CAMK1D: variants seen among roughly 807,000 people sequenced by gnomAD.
CAMK1D encodes calcium/calmodulin dependent protein kinase ID, also known as calcium/calmodulin-dependent protein kinase type 1D.
CAMK1D carries 9 observed loss-of-function variants against 47.7 expected under a neutral mutation model. The observed-to-expected ratio is 0.19, with a 90% confidence interval of 0.11 to 0.33. The LOEUF (loss-of-function observed/expected upper bound fraction) is 0.33, where lower values mean the gene tolerates loss of function less well. Ranked by LOEUF, CAMK1D falls within the 10% of genes least tolerant of loss-of-function variation. CAMK1D has a pLI of 1.00. For missense variants in CAMK1D, 291 were observed against 488.7 expected, an observed-to-expected ratio of 0.60 and a Z score of 3.81; for synonymous variants, 184 against 184.9, an observed-to-expected ratio of 0.99 and a Z score of 0.04.
intron 3 of CAMK1D, among the ~76,000 whole-genome samples, chr10:12,744,401 A>G (rs899133122): frequency 2.0e-5 from 3 of 152,224 alleles, no homozygotes; most frequent in African/African-American, 7.2e-5. Flanking sequence ...AGAAATTGTT[A>G]AACTGTTTTC....
At chr10:12,776,810 A>C (rs1404903357) in intron 5 of CAMK1D, among the ~76,000 whole-genome samples, 1 of 152,200 alleles carries the variant, frequency 6.6e-6, no homozygotes, top group Non-Finnish European at 1.5e-5. Context: ...GATCTCCAAC[A>C]AAACACAAAA....
At chr10:12,729,326 C>T (rs371977307) in intron 3 of CAMK1D, among the ~76,000 whole-genome samples, 4 of 152,112 alleles carry the variant, frequency 2.6e-5, no homozygotes, top group East Asian at 1.9e-4. Flanking sequence ...TAGAAGATGC[C>T]GAGTACCTAT....
chr10:12,740,607 AAAAAG>A (rs1171309439), intron 3 of CAMK1D, among the ~76,000 whole-genome samples: 3 of 152,178 alleles, frequency 2.0e-5, no homozygotes, highest in Admixed American at 2.0e-4. Flanking sequence ...CAAAAGAAAA[AAAAAG>A]AAAAGAAACT....
At chr10:12,404,368 A>G (rs1839338023) in intron 1 of CAMK1D, among the ~76,000 whole-genome samples, 1 of 152,218 alleles carries the variant, frequency 6.6e-6, no homozygotes, top group South Asian at 2.1e-4. Context: ...TCTAAAAGCA[A>G]GAAATTGAGG....
chr10:12,442,257 G>A (rs779779082), intron 1 of CAMK1D, among the ~76,000 whole-genome samples: 26 of 152,184 alleles, frequency 1.7e-4, no homozygotes, highest in South Asian at 6.2e-4. Flanking sequence ...CAAGGCAGGC[G>A]GATCACGAGT....
At chr10:12,500,652 C>A (rs1164541544) in intron 1 of CAMK1D, among the ~76,000 whole-genome samples, 6 of 152,212 alleles carry the variant, frequency 3.9e-5, no homozygotes, top group Non-Finnish European at 7.3e-5. Context: ...AGTTGCTGAA[C>A]CTTTCTGGGC....
rs199818329 is a variant in CAMK1D at position 12,784,478 on chromosome 10, G to A, written c.566-6680G>A. On this transcript the variant is annotated intron_variant, in intron 5 of 10. Coordinates refer to ENST00000619168, the MANE Select transcript of CAMK1D (RefSeq NM_153498.4). ...CTCCCAAAGTGCTGGGATTACAGGC[G>A]TGAGCCACCGTGCCGGCCAGAGAAA... 2.0e-5 allele frequency among the ~76,000 whole-genome samples: 3 copies of A among 152,076 alleles called. No individual in the cohort carries two copies. The East Asian group carries it at 5.8e-4, about 29-fold the overall frequency.
At chr10:12,391,533 T>A (rs1215181383) in intron 1 of CAMK1D, among the ~76,000 whole-genome samples, 2 of 152,134 alleles carry the variant, frequency 1.3e-5, no homozygotes, top group Non-Finnish European at 2.9e-5. Flanking sequence ...TTAAAAAAAA[T>A]TCCATTTTAA....
At chr10:12,737,236 T>C (rs1211872145) in intron 3 of CAMK1D, among the ~76,000 whole-genome samples, 1 of 152,104 alleles carries the variant, frequency 6.6e-6, no homozygotes, top group Non-Finnish European at 1.5e-5. Flanking sequence ...GTTCCTGTCC[T>C]GGGCTGGCCT....
intron 8 of CAMK1D, among the ~76,000 whole-genome samples, chr10:12,823,345 C>G (rs562318199): frequency 9.2e-5 from 14 of 152,120 alleles, no homozygotes; most frequent in Non-Finnish European, 1.3e-4. Flanking sequence ...AGATAGTAAC[C>G]CAGAATTGAA....
intron 1 of CAMK1D, among the ~76,000 whole-genome samples, chr10:12,543,849 G>A (rs924188946): frequency 6.6e-6 from 1 of 152,100 alleles, no homozygotes; most frequent in Non-Finnish European, 1.5e-5. Context: ...TAACAGCATG[G>A]AGAGCCAACC....
chr10:12,757,882 G>T (rs1247123012), intron 3 of CAMK1D, among the ~76,000 whole-genome samples: 1 of 139,704 alleles, frequency 7.2e-6, no homozygotes, highest in East Asian at 2.1e-4. Flanking sequence ...TTTTGAGATG[G>T]AGTCTTGCTC....
intron 1 of CAMK1D, among the ~76,000 whole-genome samples, chr10:12,486,531 G>GCACACACACA (rs3995703): frequency 5.4e-5 from 8 of 147,090 alleles, no homozygotes; most frequent in Admixed American, 1.3e-4. Flanking sequence ...GTGTGCGCGT[G>GCACACACACA]CACACACACA....
At chr10:12,648,917 G>A (rs1839884486) in intron 2 of CAMK1D, among the ~76,000 whole-genome samples, 1 of 152,136 alleles carries the variant, frequency 6.6e-6, no homozygotes, top group East Asian at 1.9e-4. Context: ...TTGCTCTGTT[G>A]CCTAGACTGG....
intron 1 of CAMK1D, among the ~76,000 whole-genome samples, chr10:12,417,655 A>G (rs1839901205): frequency 6.6e-6 from 1 of 152,032 alleles, no homozygotes; most frequent in African/African-American, 2.4e-5. Context: ...TTCAGAAATG[A>G]GGGCTGGGGG....
chr10:12,808,899 T>G (rs1226032887), intron 6 of CAMK1D, among the ~76,000 whole-genome samples: 1 of 149,292 alleles, frequency 6.7e-6, no homozygotes, highest in Non-Finnish European at 1.5e-5. Context: ...GGTGAATCAC[T>G]TGAGGCCAGG....
chr10:12,419,359 C>G (rs953861744), intron 1 of CAMK1D, among the ~76,000 whole-genome samples: 1 of 152,022 alleles, frequency 6.6e-6, no homozygotes, highest in Non-Finnish European at 1.5e-5. Context: ...CTGGGTTATC[C>G]CGACACCTGT....
chr10:12,815,683 T>TG (rs1832764715), intron 7 of CAMK1D, among the ~76,000 whole-genome samples: 1 of 152,238 alleles, frequency 6.6e-6, no homozygotes, highest in Admixed American at 6.5e-5. Flanking sequence ...TCCCCTCTCC[T>TG]GGGCTGCCAA....
At chr10:12,433,866 T>G (rs772151660) in intron 1 of CAMK1D, among the ~76,000 whole-genome samples, 1 of 152,238 alleles carries the variant, frequency 6.6e-6, no homozygotes, top group African/African-American at 2.4e-5. Context: ...ATACACAGAC[T>G]TCCTGTCGTT....
Sources: gnomAD v4.1 joint callset for allele counts (sites outside exome capture counted in the v4.1 genomes callset) on GRCh38, gnomAD v4.1.1 for gene constraint, MANE v1.5 for transcripts, NCBI Gene and HGNC (gene_info 2026-07-23, HGNC 2026-07-21) for gene names.